The following AUH variants were observed in gnomAD, a reference collection of about 807,000 sequenced individuals.
AUH encodes methylglutaconyl-CoA hydratase, mitochondrial.
Under a neutral mutation model 42.3 loss-of-function variants are expected in AUH, and 29 were observed. The ratio of observed to expected loss-of-function variants is 0.69; its 90% CI spans 0.51 to 0.93. The LOEUF (loss-of-function observed/expected upper bound fraction) is 0.93. Ranked by LOEUF, AUH falls within the 40% of genes least tolerant of loss-of-function variation. The probability of loss-of-function intolerance (pLI) is 0.00; values close to 1 mark genes in which losing one functional copy is unlikely to be tolerated. For missense variants in AUH, 452 were observed against 438.1 expected, an observed-to-expected ratio of 1.03 and a Z score of -0.28; for synonymous variants, 174 against 166.4, an observed-to-expected ratio of 1.05 and a Z score of -0.35.
At chr9:91,255,296 C>A (rs1275989116) in intron 6 of AUH, among the ~76,000 whole-genome samples, 1 of 152,326 alleles carries the variant, frequency 6.6e-6, no homozygotes, top group Middle Eastern at 3.4e-3. Context: ...ATCATCCATA[C>A]ACTGACTGTA....
chr9:91,279,055 AT>A (rs1322113562), intron 6 of AUH, among the ~76,000 whole-genome samples: 1 of 152,222 alleles, frequency 6.6e-6, no homozygotes, highest in Non-Finnish European at 1.5e-5. Flanking sequence ...ATGGGTGTAT[AT>A]ATGCCAAAAC....
chr9:91,270,117 A>G (rs1209348565), intron 6 of AUH, among the ~76,000 whole-genome samples: 1 of 152,244 alleles, frequency 6.6e-6, no homozygotes, highest in Non-Finnish European at 1.5e-5. Context: ...GAAGGTTGTA[A>G]GCAACTAAAA....
intron 4 of AUH, among the ~76,000 whole-genome samples, chr9:91,311,760 T>G (rs567505677): frequency 6.6e-6 from 1 of 152,152 alleles, no homozygotes; most frequent in Non-Finnish European, 1.5e-5. Flanking sequence ...CACGAACTAC[T>G]GGAAGGAAGG....
At chr9:91,227,273 T>G (rs1827560144) in intron 6 of AUH, among the ~76,000 whole-genome samples, 2 of 140,734 alleles carry the variant, frequency 1.4e-5, no homozygotes, top group South Asian at 5.1e-4. Flanking sequence ...TTCACATCCC[T>G]TGTAAGTTGG....
At chr9:91,295,988 A>C (rs1827296604) in intron 6 of AUH, 33 bp downstream of exon 6, 2 of 1,611,444 alleles carry the variant, frequency 1.2e-6, no homozygotes, top group Admixed American at 3.3e-5. Flanking sequence ...GACCAAATCA[A>C]GGATTTGAGG....
intron 9 of AUH, among the ~76,000 whole-genome samples, chr9:91,215,557 C>T (rs1184191974): frequency 6.6e-6 from 1 of 152,054 alleles, no homozygotes; most frequent in East Asian, 1.9e-4. Context: ...TCAATTTACA[C>T]TTGGTTGAAT....
chr9:91,285,911 G>C (rs1826364588), intron 6 of AUH, among the ~76,000 whole-genome samples: 2 of 152,128 alleles, frequency 1.3e-5, no homozygotes, highest in South Asian at 4.1e-4. Flanking sequence ...CTGGGGAAGT[G>C]CTACACTAAA....
intron 3 of AUH, among the ~76,000 whole-genome samples, chr9:91,345,952 G>A (rs1434912416): frequency 6.6e-6 from 1 of 151,916 alleles, no homozygotes; most frequent in Non-Finnish European, 1.5e-5. Flanking sequence ...CTGACAAATG[G>A]TGCTGGGAGA....
chr9:91,225,120 C>A (rs909305204), intron 6 of AUH, among the ~76,000 whole-genome samples: 1 of 152,134 alleles, frequency 6.6e-6, no homozygotes, highest in African/African-American at 2.4e-5. Context: ...TATAATTAAA[C>A]TAAATGAAAC....
At chr9:91,356,719 A>G (rs891984520) in intron 1 of AUH, among the ~76,000 whole-genome samples, 6 of 152,214 alleles carry the variant, frequency 3.9e-5, no homozygotes, top group African/African-American at 1.4e-4. Flanking sequence ...TTTTAATCAA[A>G]GACCATCACC....
rs1239498668 is a variant in AUH at position 91,361,690 on chromosome 9, T to C, written c.200A>G (p.Tyr67Cys). 1 of 1,569,520 alleles carries C rather than the reference T, an allele frequency of 6.4e-7. No homozygotes were observed. The highest frequency in any genetic ancestry group is 1.2e-5 in the South Asian group (1 of 85,506). ...GTCCTCCGTCTTCATCTCAGAGCTG[T>C]AGCCCCTTTTCGGGGCGGGACCCCC... is the stretch of plus-strand genomic sequence containing the variant. ...AAGGPAPKRG[Y>C]SSEMKTEDEL... Residue 67 changes from tyrosine (Y) to cysteine (C), a missense_variant, in exon 1 of 10, where the codon TAC becomes TGC. By Grantham distance (194) the Tyr-to-Cys change is radical (BLOSUM62 -2). Coordinates refer to ENST00000375731, the MANE Select transcript of AUH (RefSeq NM_001698.3).
chr9:91,322,049 T>C lies in AUH; in HGVS notation c.505+3269A>G, dbSNP rs568638210. On this transcript the variant is annotated intron_variant, in intron 4 of 9. Coordinates refer to ENST00000375731, the MANE Select transcript of AUH (RefSeq NM_001698.3). ...CTTAGTTTCCATATGTCCTTCAAAA[T>C]GTCTGGAATCATCACAGTAAGTCTA... 2.0e-5 allele frequency among the ~76,000 whole-genome samples: 3 copies of C among 152,306 alleles called. No homozygotes were observed. In the East Asian group the frequency reaches 5.8e-4, roughly 29 times the overall value.
chr9:91,295,031 T>G (rs1827206856), intron 6 of AUH, among the ~76,000 whole-genome samples: 1 of 152,132 alleles, frequency 6.6e-6, no homozygotes, highest in Non-Finnish European at 1.5e-5. Context: ...GAGGCGGGTT[T>G]CCCCCATACT....
intron 6 of AUH, among the ~76,000 whole-genome samples, chr9:91,286,720 T>TA (rs139430663): frequency 0.18 from 23,641 of 132,532 alleles, 2,148 homozygotes; most frequent in East Asian, 0.37. Flanking sequence ...CTGAATTCTC[T>TA]AAAAAAAAAA....
chr9:91,230,966 A>T (rs1827839354), intron 6 of AUH, among the ~76,000 whole-genome samples: 1 of 152,204 alleles, frequency 6.6e-6, no homozygotes, highest in Admixed American at 6.5e-5. Context: ...AAGCTGTCAG[A>T]CAGGGACATT....
chr9:91,234,187 G>C (rs1042819773), intron 6 of AUH, among the ~76,000 whole-genome samples: 2 of 152,192 alleles, frequency 1.3e-5, no homozygotes, highest in African/African-American at 4.8e-5. Context: ...TTGGACAGTA[G>C]AGGATCCCTG....
At chr9:91,234,357 C>G (rs1828057871) in intron 6 of AUH, among the ~76,000 whole-genome samples, 1 of 152,160 alleles carries the variant, frequency 6.6e-6, no homozygotes, top group African/African-American at 2.4e-5. Flanking sequence ...GAGCACAGGG[C>G]AGTGACGTGC....
intron 6 of AUH, among the ~76,000 whole-genome samples, chr9:91,259,757 T>C (rs76119181): frequency 0.022 from 3,324 of 152,222 alleles, 198 homozygotes; most frequent in East Asian, 0.21. Context: ...TTTCGGTTTT[T>C]TATTTCTAAT....
intron 6 of AUH, among the ~76,000 whole-genome samples, chr9:91,294,323 G>A (rs1448690153): frequency 6.6e-6 from 1 of 152,186 alleles, no homozygotes; most frequent in African/African-American, 2.4e-5. Context: ...CTTGAGGCAG[G>A]CAGATCATGA....
Sources: allele counts gnomAD v4.1 joint callset (sites outside exome capture counted in the v4.1 genomes callset), GRCh38; gene constraint gnomAD v4.1.1; transcripts MANE v1.5; gene names NCBI Gene and HGNC (gene_info 2026-07-23, HGNC 2026-07-21).